The following KLC1 variants were observed in gnomAD, a reference collection of about 807,000 sequenced individuals.
KLC1 encodes the protein kinesin 2 60/70kDa.
In KLC1, 30 loss-of-function variants were observed where a neutral mutation model predicts 84.2. The ratio of observed to expected loss-of-function variants is 0.36; its 90% CI spans 0.27 to 0.48. KLC1 has a LOEUF of 0.48. Ranked by LOEUF, KLC1 falls within the 20% of genes least tolerant of loss-of-function variation. KLC1 has a pLI of 0.99. For missense variants in KLC1, 499 were observed against 805.4 expected (o/e 0.62, Z 4.60); for synonymous variants, 289 against 293.3 (o/e 0.99, Z 0.15).
intron 15 of KLC1, 137 bp from the exon 16 acceptor site, chr14:103,700,518 A>C: frequency 1.6e-6 from 1 of 615,244 alleles, no homozygotes; most frequent in East Asian, 3.1e-5. Context: ...GGCCAGATGG[A>C]GGCTGCTAAG....
At chr14:103,635,583 T>C (rs934646108) in intron 1 of KLC1, among the ~76,000 whole-genome samples, 4 of 152,026 alleles carry the variant, frequency 2.6e-5, no homozygotes, top group African/African-American at 7.2e-5. Context: ...GGTGAAACCT[T>C]GTCTCTACTA....
chr14:103,660,009 A>T (rs1225603864), intron 3 of KLC1, among the ~76,000 whole-genome samples: 1 of 152,112 alleles, frequency 6.6e-6, no homozygotes, highest in African/African-American at 2.4e-5. Flanking sequence ...TTTCGAGCTC[A>T]TCTTATCCTG....
At chr14:103,698,918 G>GGC in intron 15 of KLC1, 1 of 1,601,236 alleles carries the variant, frequency 6.2e-7, no homozygotes, top group Non-Finnish European at 8.5e-7. Context: ...GGCAGCCGAG[G>GGC]GCAGCCTCTT....
intron 1 of KLC1, among the ~76,000 whole-genome samples, chr14:103,641,965 C>G (rs1260684664): frequency 6.6e-6 from 1 of 152,056 alleles, no homozygotes; most frequent in African/African-American, 2.4e-5. Flanking sequence ...GAGTCTCACT[C>G]CATCGCCCAG....
chr14:103,640,368 CT>C (rs58603663), intron 1 of KLC1, among the ~76,000 whole-genome samples: 1 of 149,322 alleles, frequency 6.7e-6, no homozygotes. Flanking sequence ...CCTGTGAATT[CT>C]TTTTTTTTTG....
intron 1 of KLC1, among the ~76,000 whole-genome samples, chr14:103,653,551 C>T (rs1317110626): frequency 6.6e-6 from 1 of 152,172 alleles, no homozygotes; most frequent in Non-Finnish European, 1.5e-5. Flanking sequence ...GAACTCCTGC[C>T]ATCAAGTGAT....
intron 5 of KLC1, among the ~76,000 whole-genome samples, chr14:103,663,646 C>G (rs1233357862): frequency 3.3e-5 from 5 of 152,178 alleles, no homozygotes; most frequent in Non-Finnish European, 5.9e-5. Flanking sequence ...TTGCCCTTTG[C>G]CCCTTGTGTG....
chr14:103,696,052 G>A, intron 15 of KLC1: 1 of 983,986 alleles, frequency 1.0e-6, no homozygotes, highest in South Asian at 4.7e-5. Flanking sequence ...GCGAGAGTCA[G>A]CACCTGTTTC....
chr14:103,677,461 C>T lies in KLC1; in HGVS notation c.1426C>T (p.Arg476Cys), dbSNP rs1224963542. ...TLKNLGALYR[R>C]QGKFEAAETL... ...AAAAAACCTTGGGGCACTTTACAGA[C>T]GTCAAGGCAAATTTGAAGCTGCAGA... The change falls in exon 12 of 17, where the codon CGT becomes TGT. Residue 476 changes from arginine (R) to cysteine (C), a missense_variant. Coordinates refer to ENST00000334553, the MANE Select transcript of KLC1 (RefSeq NM_001394837.1). 5.0e-6 allele frequency: 8 copies of T among 1,613,866 alleles called. No individual in the cohort carries two copies. Among genetic ancestry groups the T allele is most frequent in the Admixed American group, 1.7e-5 (1 of 59,998 alleles).
intron 15 of KLC1, chr14:103,700,088 C>A (rs1022072960): frequency 3.1e-5 from 7 of 222,548 alleles, no homozygotes; most frequent in African/African-American, 1.6e-4. Flanking sequence ...TGATGCCCTT[C>A]AGGCGTTACT....
At chr14:103,673,209 AGG>A (rs749070447) in intron 8 of KLC1, 22 bp downstream of exon 8, 1 of 1,602,214 alleles carries the variant, frequency 6.2e-7, no homozygotes, top group Non-Finnish European at 8.5e-7. Flanking sequence ...GCACAGCACT[AGG>A]GAGGGGGCCA....
intron 2 of KLC1, 50 bp from the exon 3 acceptor site, chr14:103,657,496 C>T: frequency 6.7e-7 from 1 of 1,488,328 alleles, no homozygotes; most frequent in Non-Finnish European, 9.3e-7. Flanking sequence ...GTGGGAGGGA[C>T]TCTTGCTGGA....
intron 3 of KLC1, among the ~76,000 whole-genome samples, chr14:103,658,131 C>T (rs1567019710): frequency 6.6e-6 from 1 of 152,202 alleles, no homozygotes; most frequent in Non-Finnish European, 1.5e-5. Context: ...CTTGGCATTG[C>T]CATTCTCTTT....
At chr14:103,664,443 T>C (rs2079573857) in intron 5 of KLC1, among the ~76,000 whole-genome samples, 1 of 152,114 alleles carries the variant, frequency 6.6e-6, no homozygotes, top group African/African-American at 2.4e-5. Flanking sequence ...TGAGCCACTG[T>C]GCCTGGCCAA....
Position 103,673,358 on chromosome 14 carries a change from G to T in KLC1, c.1188G>T (p.Lys396Asn). 6.2e-7 allele frequency: 1 copy of T among 1,605,018 alleles called. No individual in the cohort carries two copies. The highest frequency in any genetic ancestry group is 8.5e-7 in the Non-Finnish European group (1 of 1,177,398). ...NLASCYLKQG[K>N]FKQAETLYKE... ...CATCCTGCTATTTGAAACAAGGAAA[G>T]TTCAAGCAAGCAGAAACACTGTACA... Residue 396 changes from lysine (K) to asparagine (N), a missense_variant, in exon 9 of 17, where the codon AAG becomes AAT. This residue lies in a region of KLC1 where 153 missense variants were observed against 332.4 expected (regional missense o/e 0.46). Coordinates refer to ENST00000334553, the MANE Select transcript of KLC1 (RefSeq NM_001394837.1).
At chr14:103,685,883 C>A (rs551267993) in intron 13 of KLC1, 56 of 1,145,698 alleles carry the variant, frequency 4.9e-5, no homozygotes, top group Non-Finnish European at 5.9e-5. Flanking sequence ...TAATAAAATC[C>A]ATTTACTGTG....
At chr14:103,685,144 ATT>A in intron 13 of KLC1, 1 of 1,471,650 alleles carries the variant, frequency 6.8e-7, no homozygotes, top group Non-Finnish European at 9.0e-7. Flanking sequence ...GTGGAAATTA[ATT>A]TTCTTTTGGA....
At chr14:103,677,122 T>C (rs1393501928) in intron 11 of KLC1, among the ~76,000 whole-genome samples, 1 of 151,518 alleles carries the variant, frequency 6.6e-6, no homozygotes, top group African/African-American at 2.4e-5. Context: ...GGCCCAGATG[T>C]TTCTGTTGAC....
At chr14:103,641,145 G>A (rs746737247) in intron 1 of KLC1, among the ~76,000 whole-genome samples, 4 of 152,016 alleles carry the variant, frequency 2.6e-5, no homozygotes, top group African/African-American at 4.8e-5. Flanking sequence ...TGCTGGTCTC[G>A]AACTCCTGCC....
Sources: allele counts gnomAD v4.1 joint callset (sites outside exome capture counted in the v4.1 genomes callset), GRCh38; gene constraint gnomAD v4.1.1; regional missense constraint gnomAD v4.1.1; transcripts MANE v1.5; gene names NCBI Gene and HGNC (gene_info 2026-07-23, HGNC 2026-07-21).